The following PAN3 variants were observed in gnomAD, a reference collection of about 807,000 sequenced individuals.
PAN3 encodes the protein poly(A) specific ribonuclease subunit PAN3, also known as PAN2-PAN3 deadenylation complex subunit PAN3.
Under a neutral mutation model 96.2 loss-of-function variants are expected in PAN3, and 19 were observed. That is an observed-to-expected ratio of 0.20 (90% CI 0.14 to 0.29). The LOEUF (loss-of-function observed/expected upper bound fraction) is 0.29. Among genes scored for constraint, PAN3 ranks in the 10% least tolerant of loss-of-function variants. The pLI is 1.00. For missense variants in PAN3, 882 were observed against 1,108.1 expected, an observed-to-expected ratio of 0.80 and a Z score of 2.90; for synonymous variants, 433 against 406.6, an observed-to-expected ratio of 1.06 and a Z score of -0.78.
intron 6 of PAN3, among the ~76,000 whole-genome samples, chr13:28,253,260 A>G (rs992414744): frequency 1.2e-4 from 18 of 152,098 alleles, no homozygotes; most frequent in Non-Finnish European, 2.5e-4. Flanking sequence ...ATTTTAAACT[A>G]CTTGTTCCTG....
At chr13:28,167,398 T>G (rs1243167237) in intron 1 of PAN3, among the ~76,000 whole-genome samples, 1 of 151,970 alleles carries the variant, frequency 6.6e-6, no homozygotes, top group South Asian at 2.1e-4. Context: ...TGACCTCAGG[T>G]GATCTGCCCA....
Position 28,176,490 on chromosome 13 carries a change from C to T in PAN3, c.553-3C>T. ...TGTTATAAATAAATATTTTGTTTTTCAGAGAATGACTAATAGTAGCAGCTC... is the reference window on the plus strand; with the variant it reads ...TGTTATAAATAAATATTTTGTTTTTTAGAGAATGACTAATAGTAGCAGCTC... On this transcript the variant is annotated splice_region_variant and splice_polypyrimidine_tract_variant and intron_variant, in intron 2 of 18. Coordinates refer to ENST00000380958, the MANE Select transcript of PAN3 (RefSeq NM_175854.8). 3.1e-6 allele frequency: 5 copies of T among 1,612,580 alleles called. No homozygotes were observed. The highest frequency in any genetic ancestry group is 4.2e-6 in the Non-Finnish European group (5 of 1,178,776).
rs991495578 is a variant in PAN3, at chr13:28,157,401, TAAG to T, written c.431-16866_431-16864del. Reference sequence around the variant, plus strand: ...GAGAAAGAAATAAAAGGTATCCAAATAAGAAGAGAGGAAGTCAAACTATCTCTG... The same window carrying T: ...GAGAAAGAAATAAAAGGTATCCAAATAAGAGAGGAAGTCAAACTATCTCTG... On this transcript the variant is annotated intron_variant, in intron 1 of 18. Transcript: ENST00000380958. Among the ~76,000 whole-genome samples the T allele has an allele frequency of 8.5e-5, 13 of 152,266 alleles. No homozygotes were observed. The South Asian group carries it at 1.2e-3, about 15-fold the overall frequency.
chr13:28,227,120 C>A (rs1882087658), intron 6 of PAN3, among the ~76,000 whole-genome samples: 1 of 152,160 alleles, frequency 6.6e-6, no homozygotes, highest in Non-Finnish European at 1.5e-5. Context: ...ACTGTAGAAT[C>A]ATAACAGGGT....
At chr13:28,151,449 A>G (rs1025489965) in intron 1 of PAN3, among the ~76,000 whole-genome samples, 2 of 151,988 alleles carry the variant, frequency 1.3e-5, no homozygotes, top group Non-Finnish European at 1.5e-5. Context: ...TGGGAGTCGG[A>G]GCTTGCAGTG....
chr13:28,170,940 G>C (rs542361052), intron 1 of PAN3, among the ~76,000 whole-genome samples: 1 of 152,236 alleles, frequency 6.6e-6, no homozygotes, highest in Non-Finnish European at 1.5e-5. Context: ...GGGACTACAG[G>C]CATGCGCCAC....
In PAN3 at chr13:28,199,844, AT is replaced by A. The variant is rs1878493746; in HGVS notation, c.852+2501del. On this transcript the variant is annotated intron_variant, in intron 5 of 18. Coordinates refer to ENST00000380958, the MANE Select transcript of PAN3 (RefSeq NM_175854.8). The stretch of plus-strand genomic sequence containing the variant: ...GGAGCATATTCATCTTTCCTGTTCC[AT>A]TTGTTTCCTTAAATCTTAGGTCCTC... Among the ~76,000 whole-genome samples, 3 of 151,998 alleles carry A rather than the reference AT, an allele frequency of 2.0e-5. No homozygotes were observed. In the South Asian group the frequency reaches 6.2e-4, roughly 31 times the overall value.
intron 1 of PAN3, among the ~76,000 whole-genome samples, chr13:28,143,307 AT>A (rs1422816190): frequency 1.3e-5 from 2 of 152,224 alleles, no homozygotes; most frequent in East Asian, 3.9e-4. Flanking sequence ...CTTAAGAGTG[AT>A]TTGATTTGTA....
At chr13:28,190,611 C>T (rs777124129) in intron 4 of PAN3, among the ~76,000 whole-genome samples, 2 of 152,082 alleles carry the variant, frequency 1.3e-5, no homozygotes, top group Non-Finnish European at 2.9e-5. Flanking sequence ...CATTTTGACA[C>T]TGCTATAAAG....
chr13:28,172,834 A>T (rs958889504), intron 1 of PAN3, among the ~76,000 whole-genome samples: 10 of 152,188 alleles, frequency 6.6e-5, no homozygotes, highest in Non-Finnish European at 1.5e-4. Flanking sequence ...AGATGAGAGG[A>T]TCACTTGAGG....
intron 6 of PAN3, among the ~76,000 whole-genome samples, chr13:28,230,255 G>A (rs545110651): frequency 2.6e-5 from 4 of 152,134 alleles, no homozygotes; most frequent in African/African-American, 9.6e-5. Context: ...GCTTAGTCAT[G>A]AATAAATCTG....
intron 7 of PAN3, among the ~76,000 whole-genome samples, chr13:28,259,188 C>A (rs1294368316): frequency 2.0e-5 from 3 of 151,532 alleles, no homozygotes; most frequent in African/African-American, 7.3e-5. Flanking sequence ...AGTGCAGTGG[C>A]ACGATCTCGG....
chr13:28,259,362 G>A (rs1041432074), intron 7 of PAN3, among the ~76,000 whole-genome samples: 28 of 150,946 alleles, frequency 1.9e-4, no homozygotes, highest in African/African-American at 4.9e-4. Flanking sequence ...GCTGGAATGC[G>A]TTAGTTCAAT....
chr13:28,154,996 A>ATT (rs750522409), intron 1 of PAN3, among the ~76,000 whole-genome samples: 1 of 133,026 alleles, frequency 7.5e-6, no homozygotes. Context: ...AATTTTTTGT[A>ATT]TTTTTTTTTT....
At chr13:28,146,807 C>CTCCTAAAAATACAAAAT (rs1870719106) in intron 1 of PAN3, among the ~76,000 whole-genome samples, 1 of 152,088 alleles carries the variant, frequency 6.6e-6, no homozygotes, top group Admixed American at 6.6e-5. Context: ...GAAAGCCTGT[C>CTCCTAAAAATACAAAAT]TCCTAAAAAT....
chr13:28,270,926 A>G, intron 13 of PAN3, 60 bp downstream of exon 13: 1 of 1,462,618 alleles, frequency 6.8e-7, no homozygotes, highest in Non-Finnish European at 9.4e-7. Flanking sequence ...ACAGCTTAGT[A>G]AACAAAACAT....
At chr13:28,214,538 A>G in intron 5 of PAN3, 1 of 313,432 alleles carries the variant, frequency 3.2e-6, no homozygotes, top group South Asian at 3.3e-5. Context: ...ACTTTTATCA[A>G]CATTGTCTTC....
chr13:28,167,218 A>T (rs1397500187), intron 1 of PAN3, among the ~76,000 whole-genome samples: 1 of 150,504 alleles, frequency 6.6e-6, no homozygotes, highest in Non-Finnish European at 1.5e-5. Flanking sequence ...TTATTTTGAG[A>T]CAGAGTCTCT....
intron 1 of PAN3, among the ~76,000 whole-genome samples, chr13:28,164,843 A>T (rs919898805): frequency 2.6e-5 from 4 of 152,238 alleles, no homozygotes; most frequent in African/African-American, 7.2e-5. Flanking sequence ...GGATTTTTTT[A>T]AAAAGTAGGT....
Sources: allele counts gnomAD v4.1 joint callset (sites outside exome capture counted in the v4.1 genomes callset), GRCh38; gene constraint gnomAD v4.1.1; transcripts MANE v1.5; gene names NCBI Gene and HGNC (gene_info 2026-07-23, HGNC 2026-07-21).